Variants in KIAA1217 observed in about 807,000 individuals in gnomAD.
KIAA1217 encodes sickle tail protein homolog.
A neutral mutation model predicts 163.9 loss-of-function variants in KIAA1217; 88 were observed. The observed-to-expected ratio is 0.54, with a 90% confidence interval of 0.45 to 0.64. The LOEUF (loss-of-function observed/expected upper bound fraction) is 0.64. Ranked by LOEUF, KIAA1217 falls within the 30% of genes least tolerant of loss-of-function variation. The pLI is 0.00. For synonymous variants in KIAA1217, 903 were observed against 923.1 expected (o/e 0.98, Z 0.39); for missense variants, 2,372 against 2,475.0 (o/e 0.96, Z 0.88).
At position 23,941,494 on chromosome 10, in the gene KIAA1217, G is replaced by C. The variant is rs895508611; in HGVS notation, c.-320-65731G>C. 3.3e-5 allele frequency among the ~76,000 whole-genome samples: 5 copies of C among 152,016 alleles called. 1 individual carries two copies. The highest frequency in any genetic ancestry group is 2.0e-4 in the Admixed American group (3 of 15,258). ...ACATTTATTCCACTTTTTCCATAAG[G>C]CTACCCCCTTGTCTGGGTAGCACTG... is the stretch of plus-strand genomic sequence containing the variant. On this transcript the variant is annotated intron_variant, in intron 1 of 18. Coordinates refer to the KIAA1217 transcript ENST00000376462.
In KIAA1217 at chr10:24,247,400, G is replaced by A. The variant is rs745542514; in HGVS notation, c.354+27491G>A. ...TCGCCTCTGCCTCCCCAAGTGTTGG[G>A]ATTATAGGCATGAGCTACTGCACTC... On this transcript the variant is annotated intron_variant, in intron 2 of 20. Coordinates refer to ENST00000376454, the MANE Select transcript of KIAA1217 (RefSeq NM_019590.5). Among the ~76,000 whole-genome samples, 15 of 152,140 alleles carry A rather than the reference G, an allele frequency of 9.9e-5. 1 individual carries two copies. The highest frequency in any genetic ancestry group is 1.6e-4 in the Non-Finnish European group (11 of 68,026).
intron 1 of KIAA1217, among the ~76,000 whole-genome samples, chr10:23,776,679 C>CTT (rs34656346): frequency 1.7e-3 from 206 of 117,890 alleles, no homozygotes; most frequent in African/African-American, 2.6e-3. Context: ...ACTGTGGGTA[C>CTT]TTTTTTTTTT....
At chr10:23,939,946 T>C (rs573234389) in intron 1 of KIAA1217, among the ~76,000 whole-genome samples, 3 of 149,916 alleles carry the variant, frequency 2.0e-5, no homozygotes, top group East Asian at 1.9e-4. Context: ...ATTAAATATA[T>C]AATATTAAAT....
intron 1 of KIAA1217, among the ~76,000 whole-genome samples, chr10:23,763,738 TG>T (rs1366373015): frequency 6.6e-6 from 1 of 152,172 alleles, no homozygotes; most frequent in East Asian, 1.9e-4. Context: ...CTGCACAGTC[TG>T]CACATACACA....
chr10:23,959,075 T>G (rs1844702426), intron 1 of KIAA1217, among the ~76,000 whole-genome samples: 1 of 151,736 alleles, frequency 6.6e-6, no homozygotes, highest in Non-Finnish European at 1.5e-5. Context: ...CATTTCATTA[T>G]GGAAAGAAGG....
At chr10:24,356,358 C>G (rs1040980261) in intron 2 of KIAA1217, among the ~76,000 whole-genome samples, 1 of 152,208 alleles carries the variant, frequency 6.6e-6, no homozygotes, top group African/African-American at 2.4e-5. Flanking sequence ...GAATCTACAT[C>G]TTGAACCCAG....
chr10:24,059,702 C>A (rs1367539899), intron 2 of KIAA1217, among the ~76,000 whole-genome samples: 1 of 151,988 alleles, frequency 6.6e-6, no homozygotes, highest in Non-Finnish European at 1.5e-5. Flanking sequence ...CTCAGCCTCC[C>A]AAGTAACTGG....
chr10:23,708,406 G>T (rs1425346172), intron 1 of KIAA1217, among the ~76,000 whole-genome samples: 2 of 152,190 alleles, frequency 1.3e-5, no homozygotes, highest in Non-Finnish European at 2.9e-5. Flanking sequence ...TAATTTTACA[G>T]GTGGATGCCC....
intron 1 of KIAA1217, among the ~76,000 whole-genome samples, chr10:23,794,694 C>T (rs565022879): frequency 2.0e-5 from 3 of 152,200 alleles, no homozygotes; most frequent in African/African-American, 7.2e-5. Flanking sequence ...GTAGAATAAA[C>T]CTAACCTCTA....
chr10:24,261,438 G>A (rs1301000613), intron 2 of KIAA1217, among the ~76,000 whole-genome samples: 1 of 150,782 alleles, frequency 6.6e-6, no homozygotes, highest in Non-Finnish European at 1.5e-5. Flanking sequence ...AGAGGCTACA[G>A]TGAGCCGAGA....
intron 2 of KIAA1217, among the ~76,000 whole-genome samples, chr10:24,177,183 A>C (rs1266906801): frequency 6.8e-6 from 1 of 147,560 alleles, no homozygotes; most frequent in Non-Finnish European, 1.5e-5. Context: ...CTCAAGCATG[A>C]CCAGAGTGGA....
chr10:24,214,173 A>G (rs1442475980), intron 1 of KIAA1217, among the ~76,000 whole-genome samples: 1 of 152,144 alleles, frequency 6.6e-6, no homozygotes, highest in Admixed American at 6.5e-5. Flanking sequence ...CAAACAAAGA[A>G]AAAAAACAAG....
intron 2 of KIAA1217, among the ~76,000 whole-genome samples, chr10:24,197,637 C>A (rs557622077): frequency 1.3e-5 from 2 of 152,256 alleles, no homozygotes; most frequent in Admixed American, 1.3e-4. Flanking sequence ...ATTTTACTTC[C>A]TGAGTATTTC....
chr10:23,759,227 GTA>G (rs1251276236), intron 1 of KIAA1217, among the ~76,000 whole-genome samples: 1 of 151,772 alleles, frequency 6.6e-6, no homozygotes, highest in Non-Finnish European at 1.5e-5. Flanking sequence ...TTAATTTTTA[GTA>G]TATAAAAATG....
intron 2 of KIAA1217, among the ~76,000 whole-genome samples, chr10:24,330,169 G>A (rs149201005): frequency 0.014 from 2,110 of 151,820 alleles, 44 homozygotes; most frequent in East Asian, 0.1. Flanking sequence ...GCGTGGTGGC[G>A]TGCACCTGTA....
intron 1 of KIAA1217, among the ~76,000 whole-genome samples, chr10:23,939,492 T>C (rs1843666293): frequency 6.6e-6 from 1 of 152,120 alleles, no homozygotes; most frequent in South Asian, 2.1e-4. Context: ...AGAAAGAATA[T>C]CACCAAGGAT....
chr10:23,793,173 C>A (rs1229249368), intron 1 of KIAA1217, among the ~76,000 whole-genome samples: 1 of 152,130 alleles, frequency 6.6e-6, no homozygotes, highest in Non-Finnish European at 1.5e-5. Context: ...CAGTCCCGTT[C>A]CTGTGTATGT....
At chr10:24,216,358 A>G (rs2068816027) in intron 1 of KIAA1217, among the ~76,000 whole-genome samples, 1 of 152,172 alleles carries the variant, frequency 6.6e-6, no homozygotes, top group Non-Finnish European at 1.5e-5. Context: ...GCCGTTGGAC[A>G]TGCATGGATG....
chr10:24,449,817 C>A, intron 5 of KIAA1217: 1 of 872,122 alleles, frequency 1.1e-6, no homozygotes, highest in Non-Finnish European at 1.4e-6. Context: ...TTTTTTCATG[C>A]TCTGGCACGT....
Sources: allele counts gnomAD v4.1 joint callset (sites outside exome capture counted in the v4.1 genomes callset), GRCh38; gene constraint gnomAD v4.1.1; transcripts MANE v1.5; gene names NCBI Gene and HGNC (gene_info 2026-07-23, HGNC 2026-07-21).